The following CAND1 variants were observed in gnomAD, a reference collection of about 807,000 sequenced individuals.
CAND1 encodes cullin associated and neddylation dissociated 1, also known as cullin-associated NEDD8-dissociated protein 1.
In CAND1, 7 loss-of-function variants were observed where a neutral mutation model predicts 108.5. The observed-to-expected ratio is 0.06, with a 90% confidence interval of 0.04 to 0.12. The LOEUF (loss-of-function observed/expected upper bound fraction) is 0.12, where lower values mean the gene tolerates loss of function less well. Among genes scored for constraint, CAND1 ranks in the 10% least tolerant of loss-of-function variants. The pLI, the probability that CAND1 is intolerant of heterozygous loss-of-function variation, is 1.00. For synonymous variants in CAND1, 534 were observed against 512.0 expected (o/e 1.04, Z -0.58); for missense variants, 941 against 1,448.7 (o/e 0.65, Z 5.69).
rs1006728720 is a variant in CAND1 at position 67,269,480 on chromosome 12, C to A, written c.-238C>A. The stretch of plus-strand genomic sequence containing the variant: ...GCCCATGAGCTCGTTCTCACGCGAA[C>A]AGCGCCGTCGTTAGGCTGGCTCTGT... On this transcript the variant is annotated 5_prime_UTR_variant, in exon 1 of 15. Coordinates refer to ENST00000545606, the MANE Select transcript of CAND1 (RefSeq NM_018448.5). 1.9e-6 allele frequency: 1 copy of A among 518,276 alleles called. No individual in the cohort carries two copies. Among genetic ancestry groups the A allele is most frequent in the African/African-American group, 2.1e-5 (1 of 48,570 alleles). The allele number at this position is 518,276 out of a possible 1,614,324, so 32.1% of individuals were successfully genotyped here.
intron 1 of CAND1, among the ~76,000 whole-genome samples, chr12:67,272,179 A>G (rs1191961182): frequency 6.6e-6 from 1 of 152,238 alleles, no homozygotes; most frequent in Non-Finnish European, 1.5e-5. Flanking sequence ...CTCTGCCTGT[A>G]CTAAGGACGA....
At chr12:67,304,822 GT>G in intron 9 of CAND1, 76 bp downstream of exon 9, 1 of 1,527,278 alleles carries the variant, frequency 6.5e-7, no homozygotes. Flanking sequence ...TTAAATAATT[GT>G]TTCCTTTTAA....
chr12:67,279,639 C>G (rs1259190843), intron 1 of CAND1, among the ~76,000 whole-genome samples: 5 of 152,074 alleles, frequency 3.3e-5, no homozygotes, highest in Admixed American at 3.3e-4. Context: ...CAGTAGGCTT[C>G]TTTATTACAA....
At position 67,305,884 on chromosome 12, in the gene CAND1, T is replaced by C. The variant is rs2044877655; in HGVS notation, c.2216T>C (p.Ile739Thr). The change falls in exon 10 of 15, where the codon ATT becomes ACT. Residue 739 changes from isoleucine to threonine, a missense_variant. Ile to Thr is a moderately conservative substitution (Grantham distance 89). Around this residue, in one of 9 missense-constraint regions of CAND1, gnomAD observed 697 missense variants for 942.0 expected, o/e 0.74. Transcript: ENST00000545606. The surrounding 1 kb of genome is among the most constrained non-coding windows in gnomAD (Gnocchi z 4.4). ...KISGSILNEL[I>T]GLVRSPLLQG... Reference sequence around the variant, plus strand: ...AGTGGATCCATTCTCAATGAACTTATTGGACTTGTGAGATCACCCTTATTG... The same window carrying C: ...AGTGGATCCATTCTCAATGAACTTACTGGACTTGTGAGATCACCCTTATTG... The C allele has an allele frequency of 2.5e-6, 4 of 1,614,196 alleles. No individual in the cohort carries two copies. Among genetic ancestry groups the C allele is most frequent in the Non-Finnish European group, 3.4e-6 (4 of 1,180,018 alleles).
rs2044757316 is a variant in CAND1, at chr12:67,295,118, G to A, written c.453G>A (p.Gln151=). ...AIAKQEDVSV[Q]LEALDIMADM... ...CAAAACAGGAAGATGTCTCTGTTCA[G>A]CTAGAAGCCTTGGATATTATGGCTG... is the stretch of plus-strand genomic sequence containing the variant. The change falls in exon 4 of 15, where the codon CAG becomes CAA. Residue 151 remains glutamine (Q), a synonymous_variant. Coordinates refer to ENST00000545606, the MANE Select transcript of CAND1 (RefSeq NM_018448.5). 10 of 1,613,052 alleles carry A rather than the reference G, an allele frequency of 6.2e-6. No homozygotes were observed. Among genetic ancestry groups the A allele is most frequent in the Non-Finnish European group, 8.5e-6 (10 of 1,179,322 alleles).
At chr12:67,298,097 T>G (rs973700772) in intron 6 of CAND1, among the ~76,000 whole-genome samples, 2 of 152,170 alleles carry the variant, frequency 1.3e-5, no homozygotes, top group Non-Finnish European at 2.9e-5. Context: ...ATAATTATTT[T>G]GGGTTTACTT....
chr12:67,290,703 G>T (rs2044714445), intron 2 of CAND1, among the ~76,000 whole-genome samples: 1 of 151,984 alleles, frequency 6.6e-6, no homozygotes, highest in Admixed American at 6.6e-5. Context: ...TGAAGATAGG[G>T]GCCATACTGT....
chr12:67,290,071 A>G (rs926094623), intron 2 of CAND1, among the ~76,000 whole-genome samples: 5 of 152,196 alleles, frequency 3.3e-5, no homozygotes, highest in Non-Finnish European at 7.3e-5. Flanking sequence ...TATTTTTCCT[A>G]TGGTGTTTTC....
rs1337824856 is a variant in CAND1 at position 67,285,963 on chromosome 12, G to A, written c.212+3910G>A. Among the ~76,000 whole-genome samples the A allele has an allele frequency of 3.3e-5, 5 of 151,978 alleles. No homozygotes were observed. In the South Asian group the frequency reaches 8.3e-4, roughly 25 times the overall value. ...TGAATAAATATACAGTGAACGTTTCGTGTACAAGTCCCTTTTAGGACATGT... is the reference window on the plus strand; with the variant it reads ...TGAATAAATATACAGTGAACGTTTCATGTACAAGTCCCTTTTAGGACATGT... On this transcript the variant is annotated intron_variant, in intron 2 of 14. Transcript: ENST00000545606.
At chr12:67,284,711 C>CACAT (rs2044652066) in intron 2 of CAND1, among the ~76,000 whole-genome samples, 2 of 95,042 alleles carry the variant, frequency 2.1e-5, no homozygotes, top group African/African-American at 3.2e-5. Flanking sequence ...CATGTACACA[C>CACAT]ACACACACAC....
intron 11 of CAND1, among the ~76,000 whole-genome samples, chr12:67,308,533 C>A (rs1360009623): frequency 6.6e-6 from 1 of 152,060 alleles, no homozygotes; most frequent in African/African-American, 2.4e-5. Context: ...ATTGTTGATA[C>A]AGTTACTCAG....
intron 2 of CAND1, among the ~76,000 whole-genome samples, chr12:67,285,664 G>A (rs1001942498): frequency 1.3e-5 from 2 of 152,058 alleles, no homozygotes; most frequent in African/African-American, 2.4e-5. Flanking sequence ...CTGGATAATC[G>A]TTTGATAAAA....
intron 2 of CAND1, among the ~76,000 whole-genome samples, chr12:67,285,961 T>G (rs2044666661): frequency 6.6e-6 from 1 of 152,198 alleles, no homozygotes; most frequent in Non-Finnish European, 1.5e-5. Flanking sequence ...AGTGAACGTT[T>G]CGTGTACAAG....
Position 67,269,667 on chromosome 12 carries a change from C to CAGCGGG in CAND1, c.-50_-45dup. 3 of 1,519,392 alleles carry CAGCGGG rather than the reference C, an allele frequency of 2.0e-6. No homozygotes were observed. The highest frequency in any genetic ancestry group is 2.7e-6 in the Non-Finnish European group (3 of 1,111,654). 94.1% of individuals were successfully genotyped at this position (1,519,392 alleles called of 1,614,324 possible). A position where few individuals can be genotyped will look rare whatever the true frequency, so the allele number is the denominator to read the frequency against. On this transcript the variant is annotated 5_prime_UTR_variant, in exon 1 of 15. Coordinates refer to ENST00000545606, the MANE Select transcript of CAND1 (RefSeq NM_018448.5). ...GTGGCGGCGGCGGCGGCGGCAGCGG[C>CAGCGGG]AGCGGGCAGCAGCTCCAGCAGCGCC... is the stretch of plus-strand genomic sequence containing the variant.
At chr12:67,303,405 G>A (rs2044845119) in intron 8 of CAND1, among the ~76,000 whole-genome samples, 1 of 152,138 alleles carries the variant, frequency 6.6e-6, no homozygotes, top group Non-Finnish European at 1.5e-5. Flanking sequence ...ACTCATAAAG[G>A]TGAATGTTGA....
chr12:67,297,872 T>G lies in CAND1; in HGVS notation c.854+19T>G. ...TAAGAAGGTAAGTTTTTAAGATCTC[T>G]ATTTTTTACAAAAAGTTTTTCCTTA... On this transcript the variant is annotated intron_variant, in intron 6 of 14. Transcript: ENST00000545606. 2.8e-6 allele frequency: 4 copies of G among 1,448,316 alleles called. No individual in the cohort carries two copies. Among genetic ancestry groups the G allele is most frequent in the Non-Finnish European group, 2.9e-6 (3 of 1,046,100 alleles). 89.7% of individuals were successfully genotyped at this position (1,448,316 alleles called of 1,614,324 possible).
Position 67,306,166 on chromosome 12 carries a change from C to G in CAND1, c.2498C>G (p.Ser833Cys), listed in dbSNP as rs144603453. The G allele has an allele frequency of 1.4e-5, 22 of 1,613,996 alleles. No homozygotes were observed. The highest frequency in any genetic ancestry group is 1.6e-4 in the Middle Eastern group (1 of 6,084). The change falls in exon 10 of 15, where the codon TCC (serine) becomes TGC (cysteine). Residue 833 changes from serine to cysteine, a missense_variant. Ser to Cys is a moderately radical substitution (Grantham distance 112). Transcript: ENST00000545606. Reference protein sequence around the residue: ...QDVKNSRSTDSIRLLALLSLG... With the variant: ...QDVKNSRSTDCIRLLALLSLG... ...GTCAAGAACTCAAGGTCTACAGATTCCATTCGTCTCTTAGCTCTACTTTCT... is the reference window on the plus strand; with the variant it reads ...GTCAAGAACTCAAGGTCTACAGATTGCATTCGTCTCTTAGCTCTACTTTCT...
intron 2 of CAND1, among the ~76,000 whole-genome samples, chr12:67,287,758 A>G (rs2044685107): frequency 6.6e-6 from 1 of 151,880 alleles, no homozygotes; most frequent in Non-Finnish European, 1.5e-5. Flanking sequence ...ATTTAAACAT[A>G]TAAAGGTATA....
intron 7 of CAND1, among the ~76,000 whole-genome samples, chr12:67,300,022 C>A (rs1249018795): frequency 6.6e-6 from 1 of 152,178 alleles, no homozygotes; most frequent in African/African-American, 2.4e-5. Context: ...CAACAGAGCT[C>A]CTTAAAAGAA....
Sources: gnomAD v4.1 joint callset for allele counts (sites outside exome capture counted in the v4.1 genomes callset) on GRCh38, gnomAD v4.1.1 for gene constraint, gnomAD v4.1.1 regional missense constraint, Gnocchi (gnomAD v3.1) non-coding constraint, MANE v1.5 for transcripts, NCBI Gene and HGNC (gene_info 2026-07-23, HGNC 2026-07-21) for gene names.